Variants in ADGRL4 observed in about 807,000 individuals in gnomAD.
ADGRL4 encodes the protein adhesion G protein-coupled receptor L4.
Under a neutral mutation model 74.8 loss-of-function variants are expected in ADGRL4, and 90 were observed. The observed-to-expected ratio is 1.20, with a 90% confidence interval of 1.02 to 1.43. The LOEUF (loss-of-function observed/expected upper bound fraction) is 1.43, where lower values mean the gene tolerates loss of function less well. Ranked by LOEUF, ADGRL4 falls within the 40% of genes most tolerant of loss-of-function variation. ADGRL4 has a pLI of 0.00. For missense variants in ADGRL4, 881 were observed against 814.3 expected (o/e 1.08, Z -1.00); for synonymous variants, 311 against 279.2 (o/e 1.11, Z -1.14).
intron 8 of ADGRL4, among the ~76,000 whole-genome samples, chr1:78,925,921 T>A (rs932980626): frequency 6.6e-6 from 1 of 152,058 alleles, no homozygotes; most frequent in African/African-American, 2.4e-5. Context: ...GCATTTAGCA[T>A]CTAAAAAAGA....
At chr1:78,931,225 T>C (rs191357482) in intron 7 of ADGRL4, among the ~76,000 whole-genome samples, 2 of 150,496 alleles carry the variant, frequency 1.3e-5, no homozygotes, top group Admixed American at 1.3e-4. Context: ...AGACTAAGAA[T>C]GGACCTCTCA....
At chr1:78,944,545 A>G (rs1649555473) in intron 3 of ADGRL4, among the ~76,000 whole-genome samples, 1 of 152,212 alleles carries the variant, frequency 6.6e-6, no homozygotes, top group Admixed American at 6.5e-5. Flanking sequence ...TAAAATTACC[A>G]TTCAACAGTA....
chr1:78,927,212 C>A, intron 7 of ADGRL4, 121 bp from the exon 8 acceptor site: 1 of 667,154 alleles, frequency 1.5e-6, no homozygotes, highest in Non-Finnish European at 2.5e-6. Flanking sequence ...TACAAATCCC[C>A]AGATACTGAA....
intron 8 of ADGRL4, 85 bp from the exon 9 acceptor site, chr1:78,921,871 G>A: frequency 1.4e-6 from 1 of 735,372 alleles, no homozygotes; most frequent in South Asian, 5.2e-5. Flanking sequence ...TACCACTAAT[G>A]TGATTGAAAC....
At chr1:78,932,671 C>A (rs999704133) in intron 7 of ADGRL4, among the ~76,000 whole-genome samples, 2 of 141,692 alleles carry the variant, frequency 1.4e-5, no homozygotes, top group South Asian at 4.3e-4. Context: ...ACAAAATAGA[C>A]CACAAGCTAG....
intron 2 of ADGRL4, among the ~76,000 whole-genome samples, chr1:78,981,483 G>A (rs573614228): frequency 1.3e-5 from 2 of 151,782 alleles, no homozygotes; most frequent in Non-Finnish European, 2.9e-5. Context: ...TACAATAAGA[G>A]CATCTACCTC....
chr1:78,911,188 A>G (rs11162574), intron 12 of ADGRL4, among the ~76,000 whole-genome samples: 9,460 of 151,826 alleles, frequency 0.062, 330 homozygotes, highest in South Asian at 0.097. Flanking sequence ...CTTACTCTAG[A>G]AGTCCTTACT....
chr1:78,965,923 C>T (rs190991685), intron 2 of ADGRL4, among the ~76,000 whole-genome samples: 1 of 151,422 alleles, frequency 6.6e-6, no homozygotes, highest in Admixed American at 6.6e-5. Context: ...GAATGTTTTG[C>T]CAAAAGAACT....
At position 79,005,114 on chromosome 1, in the gene ADGRL4, T is replaced by C. The variant is rs1459335926; in HGVS notation, c.128A>G (p.Tyr43Cys). 3 of 1,612,894 alleles carry C rather than the reference T, an allele frequency of 1.9e-6. No individual in the cohort carries two copies. Among genetic ancestry groups the C allele is most frequent in the African/African-American group, 2.7e-5 (2 of 75,010 alleles). Reference sequence around the variant, plus strand: ...ATTTCCTGAAAATCCCATGTTGCAATAGCAGGCTTCAATTCCATTGCGTAT... The same window carrying C: ...ATTTCCTGAAAATCCCATGTTGCAACAGCAGGCTTCAATTCCATTGCGTAT... ...CEIRNGIEACYCNMGFSGNGV... is the reference protein window; with the variant it reads ...CEIRNGIEACCCNMGFSGNGV... The change falls in exon 2 of 15, where the codon TAT (tyrosine) becomes TGT (cysteine). Residue 43 changes from tyrosine (Y) to cysteine (C), a missense_variant. Physicochemically the swap from Tyr to Cys is radical, Grantham distance 194 (BLOSUM62 -2). Coordinates refer to ENST00000370742, the MANE Select transcript of ADGRL4 (RefSeq NM_022159.4).
chr1:78,937,229 G>A (rs1649373268), intron 6 of ADGRL4, among the ~76,000 whole-genome samples: 1 of 152,158 alleles, frequency 6.6e-6, no homozygotes, highest in African/African-American at 2.4e-5. Context: ...TGGATGGCTT[G>A]AGGCCAGGGG....
chr1:78,894,583 A>G (rs1648354920), intron 12 of ADGRL4, among the ~76,000 whole-genome samples: 1 of 151,888 alleles, frequency 6.6e-6, no homozygotes, highest in African/African-American at 2.4e-5. Context: ...TGGAATACTT[A>G]GTATTTTCTA....
chr1:78,917,844 A>G lies in ADGRL4; in HGVS notation c.1668T>C (p.Tyr556=). ...TTTTAACTTACACTTTGGTTGTGCC[A>G]TAATATCTGTATCCTAGTGCTGCCG... ...GFSAALGYRY[Y]GTTKVCWLST... The change falls in exon 11 of 15, where the codon TAT becomes TAC. Residue 556 remains tyrosine (Y), a synonymous_variant. Transcript: ENST00000370742. 5.0e-6 allele frequency: 8 copies of G among 1,612,538 alleles called. No homozygotes were observed. Among genetic ancestry groups the G allele is most frequent in the Non-Finnish European group, 6.8e-6 (8 of 1,178,946 alleles).
chr1:78,908,174 A>G (rs1648684772), intron 12 of ADGRL4, among the ~76,000 whole-genome samples: 1 of 151,994 alleles, frequency 6.6e-6, no homozygotes, highest in Non-Finnish European at 1.5e-5. Flanking sequence ...CGACTAAGAA[A>G]GACTGATTCA....
Position 78,891,200 on chromosome 1 carries a change from T to TAATTGTTCTTGAATTATTGA in ADGRL4, c.2026_2027insTCAATAATTCAAGAACAATT (p.Tyr676PhefsTer21). ...ACAGGGGACATTTTTGAACAATCTG[T>TAATTGTTCTTGAATTATTGA]AATATTCTTCTTGAATCTAAAAATT... On this transcript the variant is annotated frameshift_variant, in exon 15 of 15. Transcript: ENST00000370742. LOFTEE classifies it high-confidence loss of function. 6.2e-7 allele frequency: 1 copy of TAATTGTTCTTGAATTATTGA among 1,608,076 alleles called. No individual in the cohort carries two copies. The highest frequency in any genetic ancestry group is 1.1e-5 in the South Asian group (1 of 89,888).
chr1:78,896,420 G>T (rs1472060363), intron 12 of ADGRL4, among the ~76,000 whole-genome samples: 1 of 151,962 alleles, frequency 6.6e-6, no homozygotes, highest in Non-Finnish European at 1.5e-5. Context: ...TTAAAGAAAA[G>T]TCAAAAACCA....
At chr1:79,001,913 A>G (rs1650852411) in intron 2 of ADGRL4, among the ~76,000 whole-genome samples, 2 of 152,044 alleles carry the variant, frequency 1.3e-5, no homozygotes, top group Admixed American at 1.3e-4. Context: ...ATATCTTTTA[A>G]TTATTGTTTT....
intron 2 of ADGRL4, among the ~76,000 whole-genome samples, chr1:78,964,961 C>T (rs1046459143): frequency 6.6e-6 from 1 of 151,794 alleles, no homozygotes; most frequent in African/African-American, 2.4e-5. Flanking sequence ...TATTAATTAT[C>T]CAGCTTTCTA....
intron 8 of ADGRL4, among the ~76,000 whole-genome samples, 166 bp from the exon 9 acceptor site, chr1:78,921,952 T>A (rs551047334): frequency 6.6e-6 from 1 of 152,164 alleles, no homozygotes; most frequent in African/African-American, 2.4e-5. Context: ...AAATTTATAT[T>A]GCAACAATGC....
intron 10 of ADGRL4, 105 bp from the exon 11 acceptor site, chr1:78,918,155 T>C (rs1464696471): frequency 2.4e-6 from 2 of 830,000 alleles, no homozygotes; most frequent in Non-Finnish European, 3.8e-6. Flanking sequence ...CTTTATACTA[T>C]AAAGTATGCC....
Sources: gnomAD v4.1 joint callset for allele counts (sites outside exome capture counted in the v4.1 genomes callset) on GRCh38, gnomAD v4.1.1 for gene constraint, MANE v1.5 for transcripts, NCBI Gene and HGNC (gene_info 2026-07-23, HGNC 2026-07-21) for gene names.